MLYCD: variants seen among roughly 807,000 people sequenced by gnomAD.
The protein encoded by MLYCD is malonyl-CoA decarboxylase, mitochondrial.
MLYCD carries 27 observed loss-of-function variants against 35.8 expected under a neutral mutation model. That is an observed-to-expected ratio of 0.75 (90% confidence interval 0.56 to 1.04). The LOEUF is 1.04. Ranked by LOEUF, MLYCD falls within the 50% of genes least tolerant of loss-of-function variation. The pLI, the probability that MLYCD is intolerant of heterozygous loss-of-function variation, is 0.00. For missense variants in MLYCD, 917 were observed against 665.1 expected (o/e 1.38, Z -4.17); for synonymous variants, 403 against 302.4 (o/e 1.33, Z -3.45).
chr16:83,908,139 C>T lies in MLYCD; in HGVS notation c.655C>T (p.His219Tyr). 6.2e-7 allele frequency: 1 copy of T among 1,614,246 alleles called. No individual in the cohort carries two copies. Among genetic ancestry groups the T allele is most frequent in the Non-Finnish European group, 8.5e-7 (1 of 1,180,032 alleles). ...LQKISEAEAV[H>Y]PVKNWMDMKR... The stretch of plus-strand genomic sequence containing the variant: ...ATTCCGCCCCAGGGCTGAGGCTGTG[C>T]ATCCTGTAAAAAACTGGATGGACAT... The change falls in exon 3 of 5, where the codon CAT becomes TAT. Residue 219 changes from histidine (H) to tyrosine (Y), a missense_variant. Coordinates refer to ENST00000262430, the MANE Select transcript of MLYCD (RefSeq NM_012213.3).
chr16:83,918,086 C>G lies in MLYCD; in HGVS notation c.*2597C>G, dbSNP rs774775653. 2.0e-5 allele frequency: 3 copies of G among 152,272 alleles called. No homozygotes were observed. The highest frequency in any genetic ancestry group is 6.5e-5 in the Admixed American group (1 of 15,290). The allele number at this position is 152,272 out of a possible 1,614,324, so 9.4% of individuals were successfully genotyped here. ...CGGAATAGTGTTCAAATCCATTTTA[C>G]TATTGCGGCCAAGGAGCCCTCCCTC... On this transcript the variant is annotated 3_prime_UTR_variant, in exon 5 of 5. Coordinates refer to ENST00000262430, the MANE Select transcript of MLYCD (RefSeq NM_012213.3).
rs144962303 is a variant in MLYCD, at chr16:83,916,660, CTGTG to C, written c.*1177_*1180del. The C allele has an allele frequency of 0.031, 3,872 of 123,484 alleles. 242 individuals are homozygous for C. The highest frequency in any genetic ancestry group is 0.11 in the African/African-American group (3,272 of 31,124). The allele number at this position is 123,484 out of a possible 1,614,324, so 7.6% of individuals were successfully genotyped here. ...TCTGTGTGCGTGTGCACGAGCATCT[CTGTG>C]TGTGTCAGTGCACGTCTGTGTGCGT... On this transcript the variant is annotated 3_prime_UTR_variant, in exon 5 of 5. Coordinates refer to ENST00000262430, the MANE Select transcript of MLYCD (RefSeq NM_012213.3).
intron 3 of MLYCD, among the ~76,000 whole-genome samples, chr16:83,909,100 T>G (rs1386644990): frequency 1.3e-5 from 2 of 152,116 alleles, no homozygotes; most frequent in Admixed American, 1.3e-4. Context: ...CTTACAATGT[T>G]TGTGTGTGAA....
intron 1 of MLYCD, among the ~76,000 whole-genome samples, chr16:83,904,473 A>C (rs543949596): frequency 1.8e-4 from 28 of 152,356 alleles, no homozygotes; most frequent in Non-Finnish European, 2.5e-4. Flanking sequence ...ACAAAGGGCC[A>C]TTCTGTGTCA....
intron 3 of MLYCD, among the ~76,000 whole-genome samples, chr16:83,911,353 C>T (rs150471367): frequency 1.1e-4 from 16 of 152,318 alleles, no homozygotes; most frequent in East Asian, 3.9e-4. Flanking sequence ...CTGAGCTAAA[C>T]GCTCCTACTT....
At position 83,915,861 on chromosome 16, in the gene MLYCD, A is replaced by C; in HGVS notation, c.*372A>C. 2 of 1,188,618 alleles carry C rather than the reference A, an allele frequency of 1.7e-6. No homozygotes were observed. The highest frequency in any genetic ancestry group is 1.6e-5 in the African/African-American group (1 of 63,854). 73.6% of individuals were successfully genotyped at this position (1,188,618 alleles called of 1,614,324 possible). ...AGGGGGATCTGGCATCCTCCTAAGGACCGGGGCGCGTGGCCCAGATAAGAA... is the reference window on the plus strand; with the variant it reads ...AGGGGGATCTGGCATCCTCCTAAGGCCCGGGGCGCGTGGCCCAGATAAGAA... On this transcript the variant is annotated 3_prime_UTR_variant, in exon 5 of 5. Coordinates refer to ENST00000262430, the MANE Select transcript of MLYCD (RefSeq NM_012213.3).
At chr16:83,906,050 A>G (rs1452538830) in intron 1 of MLYCD, among the ~76,000 whole-genome samples, 1 of 152,222 alleles carries the variant, frequency 6.6e-6, no homozygotes, top group Admixed American at 6.5e-5. Context: ...ATTGGTTGCC[A>G]GATACGCTAT....
At chr16:83,912,545 C>G in intron 4 of MLYCD, 178 bp downstream of exon 4, 1 of 773,832 alleles carries the variant, frequency 1.3e-6, no homozygotes, top group South Asian at 1.6e-5. Context: ...ATGAGTCTCC[C>G]AGAGAGATGA....
intron 1 of MLYCD, among the ~76,000 whole-genome samples, chr16:83,900,542 A>G (rs1402769294): frequency 6.7e-6 from 1 of 148,970 alleles, no homozygotes; most frequent in Non-Finnish European, 1.5e-5. Flanking sequence ...CAGCCTCCTG[A>G]GTAGCTGGGA....
At position 83,915,234 on chromosome 16, in the gene MLYCD, G is replaced by T; in HGVS notation, c.1227G>T (p.Glu409Asp). The T allele has an allele frequency of 1.2e-6, 2 of 1,613,438 alleles. No homozygotes were observed. Among genetic ancestry groups the T allele is most frequent in the Non-Finnish European group, 1.7e-6 (2 of 1,179,424 alleles). ...MRLCAWYLYG[E>D]KHRGYALNPV... ...TGTGCGCCTGGTACCTGTATGGAGAGAAGCACCGCGGCTACGCGCTGAACC... is the reference window on the plus strand; with the variant it reads ...TGTGCGCCTGGTACCTGTATGGAGATAAGCACCGCGGCTACGCGCTGAACC... The change falls in exon 5 of 5, where the codon GAG becomes GAT. Residue 409 changes from glutamate (E) to aspartate (D), a missense_variant. Glu to Asp is a conservative substitution (Grantham distance 45). Coordinates refer to ENST00000262430, the MANE Select transcript of MLYCD (RefSeq NM_012213.3).
chr16:83,899,130 C>T lies in MLYCD; in HGVS notation c.-15C>T. 1 of 1,115,782 alleles carries T rather than the reference C, an allele frequency of 9.0e-7. No individual in the cohort carries two copies. 69.1% of individuals were successfully genotyped at this position (1,115,782 alleles called of 1,614,324 possible). On this transcript the variant is annotated 5_prime_UTR_variant, in exon 1 of 5. Coordinates refer to ENST00000262430, the MANE Select transcript of MLYCD (RefSeq NM_012213.3). ...CGGCGGCGGCGCTCCCCCTCGGCAG[C>T]TGTTGTGGGGCACCATGCGAGGCTT...
chr16:83,924,596 A>C lies in MLYCD; in HGVS notation c.*9107A>C, dbSNP rs1907750137. ...CCCTCACTCCTGCTGCTCAGACAGC[A>C]CCCCCTGAACGTGAGTTACTGCCTC... On this transcript the variant is annotated 3_prime_UTR_variant, in exon 5 of 5. Coordinates refer to ENST00000262430, the MANE Select transcript of MLYCD (RefSeq NM_012213.3). The C allele has an allele frequency of 6.6e-6, 1 of 152,232 alleles. No homozygotes were observed. The highest frequency in any genetic ancestry group is 1.5e-5 in the Non-Finnish European group (1 of 68,008). The allele number at this position is 152,232 out of a possible 1,614,324, so 9.4% of individuals were successfully genotyped here.
chr16:83,909,319 G>A (rs1907089743), intron 3 of MLYCD, among the ~76,000 whole-genome samples: 1 of 152,200 alleles, frequency 6.6e-6, no homozygotes, highest in African/African-American at 2.4e-5. Flanking sequence ...GGGTGGGGAT[G>A]ATAACCTAGG....
At chr16:83,910,806 G>C (rs1907149634) in intron 3 of MLYCD, among the ~76,000 whole-genome samples, 1 of 152,098 alleles carries the variant, frequency 6.6e-6, no homozygotes, top group Non-Finnish European at 1.5e-5. Flanking sequence ...GCCCCTCTCG[G>C]GCCTCGGAGG....
intron 1 of MLYCD, 28 bp from the exon 2 acceptor site, chr16:83,906,959 G>C (rs1823376854): frequency 1.3e-6 from 2 of 1,588,994 alleles, no homozygotes; most frequent in Non-Finnish European, 1.7e-6. Context: ...GCACATTGGA[G>C]GCCTGGGATT....
In MLYCD at chr16:83,916,406, CTGTG is replaced by C. The variant is rs570412443; in HGVS notation, c.*920_*923del. 2.7e-3 allele frequency: 431 copies of C among 161,998 alleles called. 2 individuals carry two copies. Among genetic ancestry groups the C allele is most frequent in the African/African-American group, 9.7e-3 (404 of 41,446 alleles). The allele number at this position is 161,998 out of a possible 1,614,324, so 10.0% of individuals were successfully genotyped here. A position where few individuals can be genotyped will look rare whatever the true frequency, so the allele number is the denominator to read the frequency against. On this transcript the variant is annotated 3_prime_UTR_variant, in exon 5 of 5. Transcript: ENST00000262430. Reference sequence around the variant, plus strand: ...TCTGTGTGCATGTGCACGAGCGTCTCTGTGTGGATCAGTGCACGTCTGTGCGTGT... The same window carrying C: ...TCTGTGTGCATGTGCACGAGCGTCTCTGGATCAGTGCACGTCTGTGCGTGT...
At chr16:83,914,909 A>G in intron 4 of MLYCD, 47 bp from the exon 5 acceptor site, 1 of 1,613,728 alleles carries the variant, frequency 6.2e-7, no homozygotes, top group African/African-American at 1.3e-5. Context: ...TACCTGCTGA[A>G]TTTGTGTTTT....
chr16:83,904,941 A>G (rs1054373126), intron 1 of MLYCD, among the ~76,000 whole-genome samples: 1 of 152,142 alleles, frequency 6.6e-6, no homozygotes, highest in Non-Finnish European at 1.5e-5. Context: ...ACACAGAACA[A>G]ATTTGTGGCC....
intron 3 of MLYCD, among the ~76,000 whole-genome samples, chr16:83,910,445 G>C (rs537119805): frequency 6.6e-6 from 1 of 152,098 alleles, no homozygotes; most frequent in Non-Finnish European, 1.5e-5. Context: ...CCAACACCCC[G>C]GGAGGCTGAG....
Sources: allele counts gnomAD v4.1 joint callset (sites outside exome capture counted in the v4.1 genomes callset), GRCh38; gene constraint gnomAD v4.1.1; transcripts MANE v1.5; gene names NCBI Gene and HGNC (gene_info 2026-07-23, HGNC 2026-07-21).